DSCAM: variants seen among roughly 807,000 people sequenced by gnomAD.
The protein encoded by DSCAM is DS cell adhesion molecule.
In DSCAM, 47 loss-of-function variants were observed where a neutral mutation model predicts 217.7. The ratio of observed to expected loss-of-function variants is 0.22; its 90% CI spans 0.17 to 0.28. DSCAM has a LOEUF of 0.28. Among genes scored for constraint, DSCAM ranks in the 10% least tolerant of loss-of-function variants. The pLI, the probability that DSCAM is intolerant of heterozygous loss-of-function variation, is 1.00. For synonymous variants in DSCAM, 1,056 were observed against 1,015.3 expected, an observed-to-expected ratio of 1.04 and a Z score of -0.76; for missense variants, 2,080 against 2,618.3, an observed-to-expected ratio of 0.79 and a Z score of 4.49.
At chr21:40,288,354 C>A (rs565348008) in intron 10 of DSCAM, among the ~76,000 whole-genome samples, 1 of 152,120 alleles carries the variant, frequency 6.6e-6, no homozygotes, top group Non-Finnish European at 1.5e-5. Flanking sequence ...GCATTCTTCA[C>A]GTTAAGCTTT....
intron 3 of DSCAM, among the ~76,000 whole-genome samples, chr21:40,405,178 T>C (rs2075269755): frequency 6.6e-6 from 1 of 152,182 alleles, no homozygotes; most frequent in Non-Finnish European, 1.5e-5. Flanking sequence ...TACTGAGTGA[T>C]GCTTATGTTC....
At chr21:40,716,705 G>A (rs1052913823) in intron 1 of DSCAM, among the ~76,000 whole-genome samples, 9 of 152,148 alleles carry the variant, frequency 5.9e-5, no homozygotes, top group African/African-American at 2.2e-4. Flanking sequence ...AGATGTGGGA[G>A]GAATTTTGCA....
intron 8 of DSCAM, among the ~76,000 whole-genome samples, chr21:40,334,643 T>C (rs537358329): frequency 2.0e-5 from 3 of 152,222 alleles, no homozygotes; most frequent in Admixed American, 1.3e-4. Flanking sequence ...GTCCTTCTTC[T>C]TTTTAGAGAT....
At chr21:40,681,125 T>G (rs2090395888) in intron 3 of DSCAM, among the ~76,000 whole-genome samples, 1 of 152,254 alleles carries the variant, frequency 6.6e-6, no homozygotes, top group Non-Finnish European at 1.5e-5. Flanking sequence ...GGGAAACTGA[T>G]GAGTCGTTTG....
chr21:40,163,611 C>T (rs964001516), intron 16 of DSCAM, among the ~76,000 whole-genome samples: 5 of 152,092 alleles, frequency 3.3e-5, no homozygotes, highest in African/African-American at 1.2e-4. Context: ...AGATATTCCT[C>T]TTGAATATCT....
intron 1 of DSCAM, among the ~76,000 whole-genome samples, chr21:40,737,377 C>A: frequency 6.6e-6 from 1 of 152,116 alleles, no homozygotes. Flanking sequence ...GTGGCTCACG[C>A]CTGTAATGCC....
Position 40,339,363 on chromosome 21 carries a change from T to A in DSCAM, c.1263A>T (p.Ala421=), listed in dbSNP as rs1411238135. ...SAFSEKVVSP[A]EPVSLMCNVK... Reference sequence around the variant, plus strand: ...CGTTGCACATAAGGGAAACCGGCTCTGCTGGACTCACCACCTTTTCACTAA... The same window carrying A: ...CGTTGCACATAAGGGAAACCGGCTCAGCTGGACTCACCACCTTTTCACTAA... Residue 421 remains alanine (A), a synonymous_variant, in exon 7 of 33, where the codon GCA becomes GCT. Transcript: ENST00000400454. 6.2e-7 allele frequency: 1 copy of A among 1,613,634 alleles called. No individual in the cohort carries two copies. The highest frequency in any genetic ancestry group is 1.1e-5 in the South Asian group (1 of 91,002).
At chr21:40,272,757 C>T (rs113995371) in intron 11 of DSCAM, among the ~76,000 whole-genome samples, 91 of 152,236 alleles carry the variant, frequency 6.0e-4, no homozygotes, top group African/African-American at 2.0e-3. Context: ...ACAGCAAGGT[C>T]TCCCCTATTG....
chr21:40,744,366 T>C (rs949523351), intron 1 of DSCAM, among the ~76,000 whole-genome samples: 1 of 152,212 alleles, frequency 6.6e-6, no homozygotes, highest in African/African-American at 2.4e-5. Context: ...GCAGGAAGCA[T>C]GATCGGCAGG....
chr21:40,701,020 G>T (rs1000573848), intron 2 of DSCAM, among the ~76,000 whole-genome samples: 1 of 152,150 alleles, frequency 6.6e-6, no homozygotes, highest in South Asian at 2.1e-4. Context: ...TTACAGGCAT[G>T]AGCCACTGTG....
intron 1 of DSCAM, among the ~76,000 whole-genome samples, chr21:40,837,086 G>C (rs894252231): frequency 1.3e-5 from 2 of 152,218 alleles, no homozygotes; most frequent in Non-Finnish European, 2.9e-5. Context: ...ACTAACTAAT[G>C]TTCAGCTTGA....
intron 11 of DSCAM, among the ~76,000 whole-genome samples, chr21:40,260,981 A>G (rs377495739): frequency 9.8e-4 from 150 of 152,326 alleles, no homozygotes; most frequent in African/African-American, 3.5e-3. Flanking sequence ...AACATCAGAC[A>G]AAACAGCTCT....
At chr21:40,782,007 A>AAAAAT (rs1555888317) in intron 1 of DSCAM, among the ~76,000 whole-genome samples, 1 of 149,890 alleles carries the variant, frequency 6.7e-6, no homozygotes, top group African/African-American at 2.4e-5. Flanking sequence ...AAAAAAAAAA[A>AAAAAT]AAAGAAAAAA....
At chr21:40,134,053 AT>A (rs1378397966) in intron 18 of DSCAM, 44 bp from the exon 19 acceptor site, 1 of 1,572,682 alleles carries the variant, frequency 6.4e-7, no homozygotes, top group Non-Finnish European at 8.6e-7. Context: ...TTCTGAGCCC[AT>A]TTCTGCTCGT....
chr21:40,675,630 T>A (rs1236874984), intron 3 of DSCAM, among the ~76,000 whole-genome samples: 1 of 152,236 alleles, frequency 6.6e-6, no homozygotes, highest in Non-Finnish European at 1.5e-5. Context: ...GAGTGTTGCC[T>A]CTAGTTTTTA....
At chr21:40,213,166 G>A (rs1226020922) in intron 11 of DSCAM, among the ~76,000 whole-genome samples, 2 of 152,224 alleles carry the variant, frequency 1.3e-5, no homozygotes, top group African/African-American at 2.4e-5. Flanking sequence ...ATAGAAAAAT[G>A]TATTTCACAA....
At position 40,021,220 on chromosome 21, in the gene DSCAM, A is replaced by G. The variant is rs939660191; in HGVS notation, c.5687-7834T>C. On this transcript the variant is annotated intron_variant, in intron 32 of 32. Coordinates refer to ENST00000400454, the MANE Select transcript of DSCAM (RefSeq NM_001389.5). ...GACTCCGTCTCAAAAAAAAAAAAAA[A>G]AAAAAAGAAAAGAAACATAGCTACG... 5.9e-5 allele frequency among the ~76,000 whole-genome samples: 9 copies of G among 151,798 alleles called. No individual in the cohort carries two copies. The South Asian group carries it at 1.2e-3, about 21-fold the overall frequency.
At chr21:40,739,019 C>T (rs1032069253) in intron 1 of DSCAM, among the ~76,000 whole-genome samples, 8 of 152,180 alleles carry the variant, frequency 5.3e-5, no homozygotes, top group African/African-American at 1.2e-4. Context: ...TTTCTGCTAG[C>T]GTCCAGTGAT....
chr21:40,490,643 G>A (rs2076069372), intron 3 of DSCAM, among the ~76,000 whole-genome samples: 1 of 152,204 alleles, frequency 6.6e-6, no homozygotes, highest in Non-Finnish European at 1.5e-5. Flanking sequence ...GTTGTCTAGA[G>A]CCATTTGGCA....
Sources: gnomAD v4.1 joint callset for allele counts (sites outside exome capture counted in the v4.1 genomes callset) on GRCh38, gnomAD v4.1.1 for gene constraint, MANE v1.5 for transcripts, NCBI Gene and HGNC (gene_info 2026-07-23, HGNC 2026-07-21) for gene names.